The following SPATA16 variants were observed in gnomAD, a reference collection of about 807,000 sequenced individuals.
SPATA16 encodes spermatogenesis-associated protein 16.
Under a neutral mutation model 63.3 loss-of-function variants are expected in SPATA16, and 36 were observed. The observed-to-expected ratio is 0.57, with a 90% CI of 0.44 to 0.75. SPATA16 has a LOEUF of 0.75. Ranked by LOEUF, SPATA16 falls within the 30% of genes least tolerant of loss-of-function variation. The probability of loss-of-function intolerance (pLI) is 0.00; values close to 1 mark genes in which losing one functional copy is unlikely to be tolerated. For missense variants in SPATA16, 646 were observed against 679.3 expected, an observed-to-expected ratio of 0.95 and a Z score of 0.54; for synonymous variants, 203 against 216.7, an observed-to-expected ratio of 0.94 and a Z score of 0.56.
chr3:173,048,080 T>C (rs1220843793), intron 3 of SPATA16, among the ~76,000 whole-genome samples: 1 of 152,052 alleles, frequency 6.6e-6, no homozygotes, highest in Non-Finnish European at 1.5e-5. Flanking sequence ...TGTTCCCCAG[T>C]TGGTTATTAA....
intron 1 of SPATA16, among the ~76,000 whole-genome samples, chr3:173,129,844 T>C (rs1468346770): frequency 6.6e-6 from 1 of 152,136 alleles, no homozygotes; most frequent in Non-Finnish European, 1.5e-5. Context: ...TCCAGTGTTA[T>C]CATACACCAA....
At position 173,045,549 on chromosome 3, in the gene SPATA16, G is replaced by A. The variant is rs190148704; in HGVS notation, c.758+3400C>T. On this transcript the variant is annotated intron_variant, in intron 3 of 10. Transcript: ENST00000351008. ...AACCTTGTGAAATAGTACTTGTGAA[G>A]TAAGTACTATTATAACCTAGTTTTT... is the stretch of plus-strand genomic sequence containing the variant. Among the ~76,000 whole-genome samples the A allele has an allele frequency of 1.1e-3, 167 of 152,212 alleles. 1 individual carries two copies. Among genetic ancestry groups the A allele is most frequent in the Middle Eastern group, 0.01 (3 of 292 alleles).
At chr3:172,991,719 C>T (rs973818094) in intron 4 of SPATA16, among the ~76,000 whole-genome samples, 4 of 152,048 alleles carry the variant, frequency 2.6e-5, no homozygotes, top group Non-Finnish European at 5.9e-5. Flanking sequence ...ATGCAACACA[C>T]ACAAGAACAC....
At chr3:172,948,038 G>A (rs556779802) in intron 6 of SPATA16, among the ~76,000 whole-genome samples, 1 of 147,932 alleles carries the variant, frequency 6.8e-6, no homozygotes, top group South Asian at 2.1e-4. Flanking sequence ...TAAAGAGGAA[G>A]TAGGGAGAGA....
At chr3:172,929,216 A>G (rs60133538) in intron 6 of SPATA16, among the ~76,000 whole-genome samples, 5,685 of 152,288 alleles carry the variant, frequency 0.037, 149 homozygotes, top group South Asian at 0.11. Context: ...TTATATGACT[A>G]TGACTGAATT....
intron 2 of SPATA16, among the ~76,000 whole-genome samples, chr3:173,062,330 C>T (rs9870765): frequency 0.18 from 27,515 of 152,006 alleles, 2,571 homozygotes; most frequent in South Asian, 0.23. Context: ...AGAGTAATGA[C>T]TTTAAAATTA....
chr3:173,011,397 T>C (rs1735072046), intron 4 of SPATA16, among the ~76,000 whole-genome samples: 1 of 152,152 alleles, frequency 6.6e-6, no homozygotes. Context: ...AACTAGGCAT[T>C]GAAGAAACAT....
At chr3:172,933,040 A>G (rs1732905221) in intron 6 of SPATA16, among the ~76,000 whole-genome samples, 1 of 152,178 alleles carries the variant, frequency 6.6e-6, no homozygotes, top group Non-Finnish European at 1.5e-5. Context: ...ATTGATTCCA[A>G]AGTTTTATGT....
intron 2 of SPATA16, among the ~76,000 whole-genome samples, chr3:173,094,374 G>A (rs1737298475): frequency 6.6e-6 from 1 of 152,112 alleles, no homozygotes; most frequent in Non-Finnish European, 1.5e-5. Context: ...ATGCTTTAAA[G>A]AGGAAAGTAA....
At chr3:173,047,894 A>G (rs1255311128) in intron 3 of SPATA16, among the ~76,000 whole-genome samples, 1 of 152,056 alleles carries the variant, frequency 6.6e-6, no homozygotes, top group Non-Finnish European at 1.5e-5. Flanking sequence ...TGTGAATTTC[A>G]AAGTGATTTT....
At chr3:173,050,584 A>G (rs1319176) in intron 2 of SPATA16, among the ~76,000 whole-genome samples, 28,419 of 151,782 alleles carry the variant, frequency 0.19, 2,948 homozygotes, top group African/African-American at 0.27. Flanking sequence ...TGACATGTAA[A>G]TCTTTTTCTT....
chr3:172,962,914 A>G (rs1366943524), intron 5 of SPATA16, among the ~76,000 whole-genome samples: 2 of 152,162 alleles, frequency 1.3e-5, no homozygotes, highest in Admixed American at 6.5e-5. Flanking sequence ...AATTTTTAAA[A>G]TATACATAGT....
At chr3:173,055,135 C>G (rs1560108504) in intron 2 of SPATA16, among the ~76,000 whole-genome samples, 1 of 152,106 alleles carries the variant, frequency 6.6e-6, no homozygotes, top group Non-Finnish European at 1.5e-5. Flanking sequence ...GTGGCAACAC[C>G]ACTGAGAATG....
chr3:173,068,538 A>G (rs1736580420), intron 2 of SPATA16, among the ~76,000 whole-genome samples: 2 of 152,148 alleles, frequency 1.3e-5, no homozygotes, highest in African/African-American at 4.8e-5. Context: ...ATATACTACC[A>G]GAGACAAACA....
intron 2 of SPATA16, among the ~76,000 whole-genome samples, chr3:173,053,041 G>A (rs1303808848): frequency 1.3e-5 from 2 of 152,106 alleles, no homozygotes; most frequent in Non-Finnish European, 2.9e-5. Context: ...CTGTTGTTTT[G>A]ATAAGAACCT....
intron 8 of SPATA16, among the ~76,000 whole-genome samples, chr3:172,919,931 G>A (rs1244803744): frequency 1.3e-5 from 2 of 152,114 alleles, no homozygotes; most frequent in Non-Finnish European, 2.9e-5. Flanking sequence ...GGCCTCAAGT[G>A]ATCCACCCAC....
intron 1 of SPATA16, among the ~76,000 whole-genome samples, chr3:173,129,851 C>A (rs1157492250): frequency 2.0e-5 from 3 of 151,992 alleles, no homozygotes; most frequent in African/African-American, 7.3e-5. Context: ...TTATCATACA[C>A]CAAGCAAATA....
chr3:173,098,661 A>C (rs1368775324), intron 2 of SPATA16, among the ~76,000 whole-genome samples: 1 of 152,194 alleles, frequency 6.6e-6, no homozygotes, highest in Non-Finnish European at 1.5e-5. Flanking sequence ...AAAATGAAGA[A>C]TTAGAAGAGC....
intron 4 of SPATA16, among the ~76,000 whole-genome samples, chr3:172,993,629 T>G (rs115261789): frequency 5.3e-5 from 8 of 152,134 alleles, no homozygotes; most frequent in Admixed American, 4.6e-4. Context: ...TGTGGCATAA[T>G]TACAATAAAT....
Sources: allele counts gnomAD v4.1 joint callset (sites outside exome capture counted in the v4.1 genomes callset), GRCh38; gene constraint gnomAD v4.1.1; transcripts MANE v1.5; gene names NCBI Gene and HGNC (gene_info 2026-07-23, HGNC 2026-07-21).